PTP4A1: variants seen among roughly 807,000 people sequenced by gnomAD.
The protein encoded by PTP4A1 is protein tyrosine phosphatase type IVA 1.
PTP4A1 carries 9 observed loss-of-function variants against 20.5 expected under a neutral mutation model. That is an observed-to-expected ratio of 0.44 (90% CI 0.26 to 0.77). PTP4A1 has a LOEUF of 0.77. Ranked by LOEUF, PTP4A1 falls within the 30% of genes least tolerant of loss-of-function variation. The pLI is 0.19. For synonymous variants in PTP4A1, 78 were observed against 67.4 expected, an observed-to-expected ratio of 1.16 and a Z score of -0.77; for missense variants, 137 against 218.8, an observed-to-expected ratio of 0.63 and a Z score of 2.36.
Position 63,582,262 on chromosome 6 carries a change from A to T in PTP4A1, c.*2088A>T, listed in dbSNP as rs1194008242. The stretch of plus-strand genomic sequence containing the variant: ...TTATATAATCAATTACTAAATGTTA[A>T]ACTATTACCACACAGCCCATAAAAC... On this transcript the variant is annotated 3_prime_UTR_variant, in exon 6 of 6. Transcript: ENST00000626021. The T allele has an allele frequency of 6.6e-6, 1 of 152,554 alleles. No homozygotes were observed. The highest frequency in any genetic ancestry group is 2.4e-5 in the African/African-American group (1 of 41,422). The allele number at this position is 152,554 out of a possible 1,614,324, so 9.5% of individuals were successfully genotyped here.
At chr6:63,556,250 C>G (rs145434738) in intron 3 of PTP4A1, among the ~76,000 whole-genome samples, 1 of 152,052 alleles carries the variant, frequency 6.6e-6, no homozygotes, top group Non-Finnish European at 1.5e-5. Context: ...GCTCTTCCTC[C>G]GAGGCTCCAG....
chr6:63,567,777 T>C (rs549119181), upstream of PTP4A1, among the ~76,000 whole-genome samples: 7 of 152,366 alleles, frequency 4.6e-5, no homozygotes, highest in South Asian at 1.2e-3. Flanking sequence ...TAAGACTGTT[T>C]TGTCTACATT....
At chr6:63,567,885 C>T (rs186217783), upstream of PTP4A1, among the ~76,000 whole-genome samples, 156 of 152,326 alleles carry the variant, frequency 1.0e-3, 3 homozygotes, top group East Asian at 0.024. Flanking sequence ...TACTGCTTCA[C>T]CTTTCATTTT....
intron 1 of PTP4A1, among the ~76,000 whole-genome samples, chr6:63,572,993 C>A (rs1162159071): frequency 2.6e-5 from 4 of 151,944 alleles, no homozygotes; most frequent in Non-Finnish European, 5.9e-5. Flanking sequence ...CCCGGAGCGA[C>A]GGGGGCGGCG....
At chr6:63,550,623 G>A (rs1776395667) in intron 3 of PTP4A1, 1 of 152,358 alleles carries the variant, frequency 6.6e-6, no homozygotes, top group African/African-American at 2.4e-5. Context: ...TTGGTTGGTT[G>A]GTTGGTTGGT....
intron 2 of PTP4A1, among the ~76,000 whole-genome samples, chr6:63,541,016 GGGAATGAAGAAAGGAAGGAAGGAA>G (rs1775947104): frequency 7.7e-6 from 1 of 129,156 alleles, no homozygotes; most frequent in Non-Finnish European, 1.6e-5. Flanking sequence ...AAAGGAAGGA[GGGAATGAAGAAAGGAAGGAAGGAA>G]GGAAGGAAGG....
At chr6:63,535,202 A>AT (rs61486496) in intron 2 of PTP4A1, among the ~76,000 whole-genome samples, 4 of 152,136 alleles carry the variant, frequency 2.6e-5, no homozygotes, top group Non-Finnish European at 5.9e-5. Flanking sequence ...ACAGTGGCTC[A>AT]GCCTGTAATT....
intron 3 of PTP4A1, among the ~76,000 whole-genome samples, chr6:63,564,707 T>A (rs1581940170): frequency 6.6e-6 from 1 of 152,358 alleles, no homozygotes; most frequent in Admixed American, 6.5e-5. Context: ...TATTTTTGCC[T>A]CAGTTCAGAC....
chr6:63,565,855 A>C (rs1216423283), intron 3 of PTP4A1, among the ~76,000 whole-genome samples: 1 of 152,374 alleles, frequency 6.6e-6, no homozygotes, highest in African/African-American at 2.4e-5. Context: ...AAGGAAGAAA[A>C]TTAAGTCACT....
intron 2 of PTP4A1, among the ~76,000 whole-genome samples, chr6:63,548,016 T>A (rs1270111462): frequency 4.6e-5 from 7 of 152,136 alleles, no homozygotes; most frequent in Admixed American, 2.6e-4. Flanking sequence ...CTTGTTTAAT[T>A]CCCTCTAGGG....
chr6:63,523,072 G>A (rs1329448590), intron 1 of PTP4A1, among the ~76,000 whole-genome samples: 1 of 151,310 alleles, frequency 6.6e-6, no homozygotes, highest in African/African-American at 2.4e-5. Flanking sequence ...ACCTTTTTTG[G>A]CCAGGCTGGT....
At chr6:63,539,020 A>G (rs935902223) in intron 2 of PTP4A1, among the ~76,000 whole-genome samples, 16 of 152,010 alleles carry the variant, frequency 1.1e-4, no homozygotes, top group African/African-American at 3.9e-4. Context: ...AGCTTCCCAC[A>G]TAGCTGGGAT....
At chr6:63,535,234 G>T (rs2149480223) in intron 2 of PTP4A1, among the ~76,000 whole-genome samples, 1 of 152,266 alleles carries the variant, frequency 6.6e-6, no homozygotes, top group East Asian at 1.9e-4. Flanking sequence ...GGAGGCCAAG[G>T]AGGGCAAATC....
intron 1 of PTP4A1, among the ~76,000 whole-genome samples, chr6:63,523,990 T>TC (rs1775052942): frequency 6.6e-6 from 1 of 151,636 alleles, no homozygotes; most frequent in South Asian, 2.1e-4. Flanking sequence ...TCAATAGGCT[T>TC]TTTTTTTTCT....
In PTP4A1 at chr6:63,572,544, C is replaced by G. The variant is rs1777513863; in HGVS notation, c.-621C>G. The G allele has an allele frequency of 2.5e-6, 1 of 396,916 alleles. No homozygotes were observed. The highest frequency in any genetic ancestry group is 4.4e-6 in the Non-Finnish European group (1 of 225,522). The allele number at this position is 396,916 out of a possible 1,614,324, so 24.6% of individuals were successfully genotyped here. ...CTCGGCTACGCGCTCTGCTCCGAGC[C>G]GCTCACTGCATGGTAGAGTCTGGTG... On this transcript the variant is annotated 5_prime_UTR_variant, in exon 1 of 6. Coordinates refer to ENST00000626021, the MANE Select transcript of PTP4A1 (RefSeq NM_003463.5).
intron 3 of PTP4A1, among the ~76,000 whole-genome samples, chr6:63,561,154 C>T (rs760584741): frequency 1.3e-5 from 2 of 152,172 alleles, no homozygotes; most frequent in Non-Finnish European, 1.5e-5. Context: ...TGAGTACAGC[C>T]TAACAGAGTG....
upstream of PTP4A1, chr6:63,570,919 G>C (rs1201773695): frequency 6.6e-6 from 1 of 151,948 alleles, no homozygotes; most frequent in Non-Finnish European, 1.5e-5. Flanking sequence ...TTTTCGACAT[G>C]AGTTCCCCAG....
chr6:63,528,050 A>AT (rs1293682000), exon 2 of PTP4A1: 1 of 152,234 alleles, frequency 6.6e-6, no homozygotes, highest in Admixed American at 6.5e-5. Flanking sequence ...AGCCAAGAGC[A>AT]TGGCTATGGG....
chr6:63,522,625 T>C (rs1433339442), intron 1 of PTP4A1, among the ~76,000 whole-genome samples: 1 of 152,202 alleles, frequency 6.6e-6, no homozygotes, highest in Non-Finnish European at 1.5e-5. Flanking sequence ...CACAATAGTG[T>C]AGCAGCCAGA....
Sources: gnomAD v4.1 joint callset for allele counts (sites outside exome capture counted in the v4.1 genomes callset) on GRCh38, gnomAD v4.1.1 for gene constraint, MANE v1.5 for transcripts, NCBI Gene and HGNC (gene_info 2026-07-23, HGNC 2026-07-21) for gene names.